Variants in C9 observed in about 807,000 individuals in gnomAD.
The protein encoded by C9 is complement component C9.
Under a neutral mutation model 65.4 loss-of-function variants are expected in C9, and 63 were observed. That is an observed-to-expected ratio of 0.96 (90% CI 0.79 to 1.19). The LOEUF is 1.19. Among genes scored for constraint, C9 ranks in the 50% most tolerant of loss-of-function variants. The probability of loss-of-function intolerance (pLI) is 0.00; values close to 1 mark genes in which losing one functional copy is unlikely to be tolerated. For synonymous variants in C9, 229 were observed against 227.9 expected, an observed-to-expected ratio of 1.00 and a Z score of -0.04; for missense variants, 744 against 670.1, an observed-to-expected ratio of 1.11 and a Z score of -1.22.
At chr5:39,341,775 A>T in intron 2 of C9, 75 bp from the exon 3 acceptor site, 1 of 1,326,102 alleles carries the variant, frequency 7.5e-7, no homozygotes, top group Non-Finnish European at 1.1e-6. Flanking sequence ...GCATCCATAC[A>T]ACTATATCCC....
At chr5:39,351,139 T>A (rs935252092) in intron 1 of C9, among the ~76,000 whole-genome samples, 1 of 152,224 alleles carries the variant, frequency 6.6e-6, no homozygotes, top group African/African-American at 2.4e-5. Flanking sequence ...TGGCCTGAGC[T>A]GTACTTGGCC....
intron 1 of C9, among the ~76,000 whole-genome samples, chr5:39,350,448 C>A: frequency 6.6e-6 from 1 of 152,120 alleles, no homozygotes. Context: ...TTAACTTATT[C>A]CAGCATTAAC....
intron 1 of C9, among the ~76,000 whole-genome samples, chr5:39,356,254 A>G (rs1172264756): frequency 6.6e-6 from 1 of 152,204 alleles, no homozygotes; most frequent in Non-Finnish European, 1.5e-5. Context: ...TTGAACAGTT[A>G]GTAGAAAACT....
At chr5:39,355,649 A>T (rs1378665360) in intron 1 of C9, among the ~76,000 whole-genome samples, 4 of 152,184 alleles carry the variant, frequency 2.6e-5, no homozygotes, top group African/African-American at 7.2e-5. Flanking sequence ...CATTCTCTGG[A>T]TGTTAAGCTC....
At chr5:39,331,891 G>A (rs570882288) in intron 4 of C9, 77 bp from the exon 5 acceptor site, 3 of 1,231,548 alleles carry the variant, frequency 2.4e-6, no homozygotes, top group African/African-American at 3.0e-5. Context: ...GCTGGAAAAA[G>A]TGAGACAGCT....
At chr5:39,294,177 A>G (rs1753145459) in intron 9 of C9, among the ~76,000 whole-genome samples, 1 of 151,878 alleles carries the variant, frequency 6.6e-6, no homozygotes, top group South Asian at 2.1e-4. Context: ...CCCAAACCCC[A>G]AAATAGTAGA....
chr5:39,307,140 C>T (rs1753396558), intron 8 of C9, among the ~76,000 whole-genome samples: 1 of 152,036 alleles, frequency 6.6e-6, no homozygotes, highest in Non-Finnish European at 1.5e-5. Context: ...TGCAAACTTA[C>T]CTTCATAATT....
rs1457094429 is a variant in C9 at position 39,284,894 on chromosome 5, TTC to T, written c.*303_*304del. 2.4e-5 allele frequency: 9 copies of T among 377,626 alleles called. No homozygotes were observed. Among genetic ancestry groups the T allele is most frequent in the Non-Finnish European group, 9.6e-6 (2 of 208,974 alleles). 23.4% of individuals were successfully genotyped at this position (377,626 alleles called of 1,614,324 possible). A position where few individuals can be genotyped will look rare whatever the true frequency, so the allele number is the denominator to read the frequency against. On this transcript the variant is annotated 3_prime_UTR_variant, in exon 11 of 11. Coordinates refer to ENST00000263408, the MANE Select transcript of C9 (RefSeq NM_001737.5). ...TACTTTGAAGTTTTTTAAACCAACA[TTC>T]TGTTTTTAATTTAATTTTGTTTTTT...
At chr5:39,315,699 T>C (rs757468065) in intron 6 of C9, 76 bp downstream of exon 6, 346 of 1,094,682 alleles carry the variant, frequency 3.2e-4, no homozygotes, top group Non-Finnish European at 4.5e-4. Flanking sequence ...TTATGATTTC[T>C]ATTTGCTCAA....
chr5:39,306,019 T>C (rs1753367972), intron 9 of C9, among the ~76,000 whole-genome samples: 1 of 151,740 alleles, frequency 6.6e-6, no homozygotes, highest in African/African-American at 2.4e-5. Flanking sequence ...GAAAATTAGC[T>C]CGATGTGGTG....
intron 9 of C9, among the ~76,000 whole-genome samples, chr5:39,289,440 T>G (rs113388386): frequency 3.3e-5 from 4 of 119,890 alleles, no homozygotes; most frequent in African/African-American, 1.1e-4. Flanking sequence ...ATTTCTTTCT[T>G]GTTTTTTTTT....
At chr5:39,301,687 C>T (rs1317443820) in intron 9 of C9, among the ~76,000 whole-genome samples, 3 of 151,012 alleles carry the variant, frequency 2.0e-5, no homozygotes, top group African/African-American at 2.4e-5. Context: ...ATAAAAAGTA[C>T]ATAAGAGGAC....
At chr5:39,360,523 T>C (rs1376067806) in intron 1 of C9, among the ~76,000 whole-genome samples, 1 of 152,038 alleles carries the variant, frequency 6.6e-6, no homozygotes, top group African/African-American at 2.4e-5. Context: ...AAAGGAAGAA[T>C]GACAAACTGG....
chr5:39,340,765 A>G (rs1754061661), intron 4 of C9, among the ~76,000 whole-genome samples: 1 of 152,222 alleles, frequency 6.6e-6, no homozygotes, highest in South Asian at 2.1e-4. Flanking sequence ...CAGCAATGCA[A>G]ATATTTGAAT....
At chr5:39,312,619 C>T (rs1753505372) in intron 6 of C9, among the ~76,000 whole-genome samples, 1 of 152,058 alleles carries the variant, frequency 6.6e-6, no homozygotes, top group African/African-American at 2.4e-5. Flanking sequence ...CTTACCTTTC[C>T]CGGAGAAAAC....
At chr5:39,304,924 T>C (rs565481237) in intron 9 of C9, among the ~76,000 whole-genome samples, 6 of 152,318 alleles carry the variant, frequency 3.9e-5, no homozygotes, top group African/African-American at 1.4e-4. Context: ...CCTTATTTAC[T>C]TGAGATTTAA....
intron 6 of C9, 132 bp downstream of exon 6, chr5:39,315,643 G>C: frequency 1.5e-6 from 1 of 678,030 alleles, no homozygotes; most frequent in Non-Finnish European, 2.5e-6. Flanking sequence ...TCTTTCTGAC[G>C]TGCTAGCTAC....
In C9 at chr5:39,309,339, A is replaced by T. The variant is rs1753437527; in HGVS notation, c.1112-981T>A. Among the ~76,000 whole-genome samples, 4 of 152,082 alleles carry T rather than the reference A, an allele frequency of 2.6e-5. No homozygotes were observed. The South Asian group carries it at 8.3e-4, about 32-fold the overall frequency. ...TGGGAGTCAAAATGCTTTATGAAAA[A>T]GGAAAGAAAAAAATGAAATGAGGTT... On this transcript the variant is annotated intron_variant, in intron 7 of 10. Transcript: ENST00000263408.
intron 1 of C9, among the ~76,000 whole-genome samples, chr5:39,363,389 C>T (rs189452933): frequency 1.1e-3 from 163 of 152,274 alleles, no homozygotes; most frequent in African/African-American, 3.7e-3. Flanking sequence ...TGAATGGCGG[C>T]CTCCAACTGC....
Sources: gnomAD v4.1 joint callset for allele counts (sites outside exome capture counted in the v4.1 genomes callset) on GRCh38, gnomAD v4.1.1 for gene constraint, MANE v1.5 for transcripts, NCBI Gene and HGNC (gene_info 2026-07-23, HGNC 2026-07-21) for gene names.